SLIT3: variants seen among roughly 807,000 people sequenced by gnomAD.
The protein encoded by SLIT3 is slit guidance ligand 3, also known as slit homolog 3 protein.
A neutral mutation model predicts 184.0 loss-of-function variants in SLIT3; 68 were observed. The observed-to-expected ratio is 0.37, with a 90% CI of 0.30 to 0.45. The LOEUF (loss-of-function observed/expected upper bound fraction) is 0.45. Among genes scored for constraint, SLIT3 ranks in the 20% least tolerant of loss-of-function variants. The pLI is 1.00. For missense variants in SLIT3, 1,707 were observed against 2,026.0 expected, an observed-to-expected ratio of 0.84 and a Z score of 3.02; for synonymous variants, 831 against 828.6, an observed-to-expected ratio of 1.00 and a Z score of -0.05.
chr5:168,837,750 A>G (rs1758101221), intron 6 of SLIT3, among the ~76,000 whole-genome samples: 1 of 152,244 alleles, frequency 6.6e-6, no homozygotes, highest in Admixed American at 6.5e-5. Flanking sequence ...TTTACTTATT[A>G]TGAGCGTCCC....
chr5:168,833,286 G>C (rs1372204253), intron 6 of SLIT3, among the ~76,000 whole-genome samples: 1 of 152,234 alleles, frequency 6.6e-6, no homozygotes, highest in Non-Finnish European at 1.5e-5. Context: ...ATGAGGCTCT[G>C]TTCCTGGGCT....
chr5:168,722,829 G>A lies in SLIT3; in HGVS notation c.2411+104C>T, dbSNP rs1479423083. On this transcript the variant is annotated intron_variant, in intron 22 of 35. Coordinates refer to ENST00000519560, the MANE Select transcript of SLIT3 (RefSeq NM_003062.4). Reference sequence around the variant, plus strand: ...ATGCTAGGGCAGCCATAGGCCTGAGGGTCATTAGGGCAGAGAAACTAGTCC... The same window carrying A: ...ATGCTAGGGCAGCCATAGGCCTGAGAGTCATTAGGGCAGAGAAACTAGTCC... 1.4e-5 allele frequency: 12 copies of A among 868,422 alleles called. No individual in the cohort carries two copies. In the East Asian group the frequency reaches 1.5e-4, roughly 11 times the overall value. 53.8% of individuals were successfully genotyped at this position (868,422 alleles called of 1,614,324 possible). A position where few individuals can be genotyped will look rare whatever the true frequency, so the allele number is the denominator to read the frequency against.
intron 8 of SLIT3, among the ~76,000 whole-genome samples, chr5:168,809,439 T>C (rs1478823145): frequency 6.6e-6 from 1 of 152,162 alleles, no homozygotes; most frequent in Non-Finnish European, 1.5e-5. Flanking sequence ...CATTCGCACA[T>C]GGTGAGGACG....
intron 3 of SLIT3, among the ~76,000 whole-genome samples, chr5:169,209,232 C>T (rs1764172296): frequency 6.6e-6 from 1 of 152,148 alleles, no homozygotes; most frequent in African/African-American, 2.4e-5. Context: ...TAGAGAAATG[C>T]AAATCAAAAC....
chr5:169,246,019 C>T lies in SLIT3; in HGVS notation c.270-1243G>A, dbSNP rs143160543. ...GAAGACTTTGGGCCATGGCACACAC[C>T]GATTGTATATGTGTCTGGGACAGGT... On this transcript the variant is annotated intron_variant, in intron 2 of 35. Transcript: ENST00000519560. 3.9e-5 allele frequency among the ~76,000 whole-genome samples: 6 copies of T among 152,244 alleles called. No homozygotes were observed. In the East Asian group the frequency reaches 5.8e-4, roughly 15 times the overall value.
At chr5:169,171,493 C>G (rs1762818010) in intron 4 of SLIT3, among the ~76,000 whole-genome samples, 1 of 152,152 alleles carries the variant, frequency 6.6e-6, no homozygotes, top group Non-Finnish European at 1.5e-5. Context: ...CACAAATATC[C>G]AACAGCAAGA....
chr5:169,175,315 G>A (rs1762946528), intron 4 of SLIT3, among the ~76,000 whole-genome samples: 1 of 152,180 alleles, frequency 6.6e-6, no homozygotes, highest in Admixed American at 6.5e-5. Context: ...CCTATGTGGT[G>A]GAGGTGGGAT....
chr5:168,844,354 CA>C (rs1429470184), intron 6 of SLIT3, among the ~76,000 whole-genome samples: 3 of 152,166 alleles, frequency 2.0e-5, no homozygotes, highest in African/African-American at 7.2e-5. Flanking sequence ...GCAGGAACCT[CA>C]GTTTGTGGGA....
intron 4 of SLIT3, among the ~76,000 whole-genome samples, chr5:169,008,080 T>C (rs535635345): frequency 5.3e-5 from 8 of 152,202 alleles, no homozygotes; most frequent in Non-Finnish European, 1.2e-4. Context: ...CCCAGCTCTA[T>C]GTGGCTCTTG....
chr5:168,991,609 T>C (rs1016581290), intron 4 of SLIT3, among the ~76,000 whole-genome samples: 1 of 152,186 alleles, frequency 6.6e-6, no homozygotes, highest in Non-Finnish European at 1.5e-5. Context: ...GGGAATGCAG[T>C]GCCCTGGGGA....
intron 33 of SLIT3, among the ~76,000 whole-genome samples, chr5:168,672,834 T>G (rs1464991603): frequency 2.0e-5 from 3 of 152,124 alleles, no homozygotes; most frequent in Non-Finnish European, 4.4e-5. Context: ...TAATTGAACC[T>G]CCGAGGGTTT....
At chr5:169,013,394 T>TCAGGC (rs1231878912) in intron 4 of SLIT3, 2 of 152,320 alleles carry the variant, frequency 1.3e-5, no homozygotes, top group Admixed American at 1.3e-4. Flanking sequence ...GGTAAGCACG[T>TCAGGC]CAGGGCCCCC....
In SLIT3 at chr5:168,844,733, C is replaced by T. The variant is rs904189983; in HGVS notation, c.486-78G>A. On this transcript the variant is annotated intron_variant, in intron 5 of 35. Coordinates refer to ENST00000519560, the MANE Select transcript of SLIT3 (RefSeq NM_003062.4). ...CCGGCGGCCCAGGCCACCCGAGCGCCTGTCCCTCCACCCCCTTGCAGGCGC... is the reference window on the plus strand; with the variant it reads ...CCGGCGGCCCAGGCCACCCGAGCGCTTGTCCCTCCACCCCCTTGCAGGCGC... 413 of 1,360,836 alleles carry T rather than the reference C, an allele frequency of 3.0e-4. 2 individuals carry two copies. Among genetic ancestry groups the T allele is most frequent in the Non-Finnish European group, 7.3e-5 (70 of 954,946 alleles). 84.3% of individuals were successfully genotyped at this position (1,360,836 alleles called of 1,614,324 possible).
At chr5:168,864,884 A>G (rs1230856942) in intron 5 of SLIT3, among the ~76,000 whole-genome samples, 3 of 152,104 alleles carry the variant, frequency 2.0e-5, no homozygotes, top group Non-Finnish European at 4.4e-5. Context: ...ATATTAGAAA[A>G]TGGATAAGGA....
At chr5:169,237,444 G>T (rs1765241773) in intron 3 of SLIT3, among the ~76,000 whole-genome samples, 1 of 152,134 alleles carries the variant, frequency 6.6e-6, no homozygotes, top group African/African-American at 2.4e-5. Flanking sequence ...CATAGATCTG[G>T]ATTGTATAAG....
chr5:168,910,118 T>G (rs11134550), intron 4 of SLIT3, among the ~76,000 whole-genome samples: 3 of 151,996 alleles, frequency 2.0e-5, no homozygotes, highest in Admixed American at 2.0e-4. Flanking sequence ...CTTAAAAGAA[T>G]TGTCTTCTCC....
chr5:169,159,182 C>T (rs986799225), intron 4 of SLIT3, among the ~76,000 whole-genome samples: 4 of 151,174 alleles, frequency 2.6e-5, no homozygotes, highest in African/African-American at 4.9e-5. Flanking sequence ...GTCAAGAGTT[C>T]GAGACCAGCC....
chr5:168,825,082 T>C (rs568703453), intron 6 of SLIT3, among the ~76,000 whole-genome samples: 2 of 152,314 alleles, frequency 1.3e-5, no homozygotes, highest in South Asian at 4.1e-4. Context: ...GGTTCTTTAT[T>C]TGTGGGAGGA....
At chr5:168,813,313 GA>G (rs34737518) in intron 8 of SLIT3, among the ~76,000 whole-genome samples, 1,561 of 134,986 alleles carry the variant, frequency 0.012, 8 homozygotes, top group Middle Eastern at 0.019. Context: ...AGATAAGGAT[GA>G]AAAAAAAAAA....
Sources: gnomAD v4.1 joint callset for allele counts (sites outside exome capture counted in the v4.1 genomes callset) on GRCh38, gnomAD v4.1.1 for gene constraint, MANE v1.5 for transcripts, NCBI Gene and HGNC (gene_info 2026-07-23, HGNC 2026-07-21) for gene names.